ANGPT1: variants seen among roughly 807,000 people sequenced by gnomAD.
ANGPT1 encodes the protein angiopoietin-1.
Under a neutral mutation model 62.2 loss-of-function variants are expected in ANGPT1, and 17 were observed. The ratio of observed to expected loss-of-function variants is 0.27; its 90% CI spans 0.19 to 0.41. ANGPT1 has a LOEUF of 0.41. ANGPT1 is among the 10% of genes least tolerant of loss of function. The probability of loss-of-function intolerance (pLI) is 1.00; values close to 1 mark genes in which losing one functional copy is unlikely to be tolerated. For synonymous variants in ANGPT1, 199 were observed against 198.9 expected (o/e 1.00, Z 0.00); for missense variants, 478 against 594.9 (o/e 0.80, Z 2.04).
chr8:107,259,077 A>G (rs1563537967), intron 8 of ANGPT1, among the ~76,000 whole-genome samples: 1 of 152,178 alleles, frequency 6.6e-6, no homozygotes, highest in African/African-American at 2.4e-5. Flanking sequence ...CTTACGTTTT[A>G]TGTACTAAAT....
At position 107,466,688 on chromosome 8, in the gene ANGPT1, G is replaced by T. The variant is rs1812206322; in HGVS notation, c.297+30574C>A. On this transcript the variant is annotated intron_variant, in intron 1 of 8. Transcript: ENST00000517746. ...GCACTTTGGGAGAAAGAGGCCGGTG[G>T]ATCACCTGAGGTCAGGAGTTTGAGA... Among the ~76,000 whole-genome samples, 9 of 152,176 alleles carry T rather than the reference G, an allele frequency of 5.9e-5. No homozygotes were observed. The South Asian group carries it at 1.9e-3, about 32-fold the overall frequency.
rs555804546 is a variant in ANGPT1, at chr8:107,478,389, A to T, written c.297+18873T>A. Among the ~76,000 whole-genome samples, 31 of 152,098 alleles carry T rather than the reference A, an allele frequency of 2.0e-4. No homozygotes were observed. In the South Asian group the frequency reaches 6.0e-3, roughly 30 times the overall value. On this transcript the variant is annotated intron_variant, in intron 1 of 8. Transcript: ENST00000517746. ...CATGGGAAAACCCCACTCTACTAAA[A>T]ATACAAAAAGTAGCTGGGTGTGGTG...
chr8:107,457,851 CACACACACACACACA>C (rs1811960943), intron 1 of ANGPT1, among the ~76,000 whole-genome samples: 1 of 150,394 alleles, frequency 6.6e-6, no homozygotes, highest in Admixed American at 6.6e-5. Context: ...CACACACACA[CACACACACACACACA>C]CCAAGAGGGG....
chr8:107,432,294 T>G (rs1463845560), intron 1 of ANGPT1, among the ~76,000 whole-genome samples: 2 of 152,196 alleles, frequency 1.3e-5, no homozygotes, highest in African/African-American at 4.8e-5. Context: ...AAGAGTCAGG[T>G]AAGACAATAG....
intron 1 of ANGPT1, among the ~76,000 whole-genome samples, chr8:107,391,080 A>G (rs1816826043): frequency 6.6e-6 from 1 of 152,202 alleles, no homozygotes; most frequent in African/African-American, 2.4e-5. Context: ...GTACTATTGC[A>G]ATGAAAAAAG....
At chr8:107,374,486 G>A (rs1336219817) in intron 1 of ANGPT1, among the ~76,000 whole-genome samples, 2 of 152,186 alleles carry the variant, frequency 1.3e-5, no homozygotes, top group Non-Finnish European at 2.9e-5. Context: ...GCCCAAGGCA[G>A]CCAGCCAAGG....
chr8:107,487,414 A>G (rs1812842512), intron 1 of ANGPT1, among the ~76,000 whole-genome samples: 1 of 152,122 alleles, frequency 6.6e-6, no homozygotes, highest in South Asian at 2.1e-4. Context: ...AAAGCAAACC[A>G]TTTGGAAGCC....
At chr8:107,467,207 C>T (rs112572172) in intron 1 of ANGPT1, among the ~76,000 whole-genome samples, 4,257 of 151,880 alleles carry the variant, frequency 0.028, 61 homozygotes, top group Middle Eastern at 0.068. Flanking sequence ...TTACCTTTAT[C>T]GATCATTACA....
chr8:107,450,139 C>G (rs1388662960), intron 1 of ANGPT1, among the ~76,000 whole-genome samples: 1 of 151,998 alleles, frequency 6.6e-6, no homozygotes, highest in Non-Finnish European at 1.5e-5. Flanking sequence ...GACCTGAGAA[C>G]TAAAAATGAC....
intron 1 of ANGPT1, among the ~76,000 whole-genome samples, chr8:107,482,459 A>G (rs1043667666): frequency 1.3e-5 from 2 of 152,194 alleles, no homozygotes; most frequent in Non-Finnish European, 2.9e-5. Context: ...TGCCTTCTCC[A>G]TGTGGCTTGA....
intron 1 of ANGPT1, among the ~76,000 whole-genome samples, chr8:107,429,503 T>G (rs1197888201): frequency 6.6e-6 from 1 of 152,170 alleles, no homozygotes; most frequent in Non-Finnish European, 1.5e-5. Flanking sequence ...CCCAAGGAGC[T>G]TGCTTTCTGA....
At chr8:107,326,774 AG>A (rs1167097211) in intron 3 of ANGPT1, among the ~76,000 whole-genome samples, 2 of 152,194 alleles carry the variant, frequency 1.3e-5, no homozygotes, top group Non-Finnish European at 2.9e-5. Context: ...TAGAATGAGC[AG>A]ATGTTACAGA....
At chr8:107,478,589 T>C (rs1316073660) in intron 1 of ANGPT1, among the ~76,000 whole-genome samples, 6 of 152,072 alleles carry the variant, frequency 3.9e-5, no homozygotes, top group Non-Finnish European at 8.8e-5. Context: ...ATTATAAAAG[T>C]GTCAATGCTT....
intron 1 of ANGPT1, among the ~76,000 whole-genome samples, chr8:107,384,940 C>T (rs1376347827): frequency 6.6e-6 from 1 of 151,970 alleles, no homozygotes; most frequent in African/African-American, 2.4e-5. Context: ...AGGTGTGTGG[C>T]TTAATTTCTG....
chr8:107,270,072 C>T (rs547710938), intron 7 of ANGPT1, among the ~76,000 whole-genome samples: 1 of 152,048 alleles, frequency 6.6e-6, no homozygotes, highest in East Asian at 1.9e-4. Context: ...TCAAAATATT[C>T]CTATATATCA....
chr8:107,309,251 A>G (rs1814792586), intron 4 of ANGPT1, among the ~76,000 whole-genome samples: 1 of 152,218 alleles, frequency 6.6e-6, no homozygotes, highest in Non-Finnish European at 1.5e-5. Context: ...CATGTGGATC[A>G]GGTTATTTGT....
At chr8:107,310,466 T>C (rs1814822421) in intron 4 of ANGPT1, among the ~76,000 whole-genome samples, 1 of 152,150 alleles carries the variant, frequency 6.6e-6, no homozygotes, top group Non-Finnish European at 1.5e-5. Context: ...TACTTATCTC[T>C]GCTGACAAGA....
chr8:107,278,196 C>G (rs1341868865), intron 7 of ANGPT1, among the ~76,000 whole-genome samples: 1 of 151,944 alleles, frequency 6.6e-6, no homozygotes, highest in Non-Finnish European at 1.5e-5. Flanking sequence ...CTGCCTCAGC[C>G]TCCTAAGTAG....
chr8:107,452,476 ATTTC>A (rs1378019154), intron 1 of ANGPT1, among the ~76,000 whole-genome samples: 1 of 151,068 alleles, frequency 6.6e-6, no homozygotes. Flanking sequence ...CCCCACTTTT[ATTTC>A]TTTATTTTTA....
Sources: gnomAD v4.1 joint callset for allele counts (sites outside exome capture counted in the v4.1 genomes callset) on GRCh38, gnomAD v4.1.1 for gene constraint, MANE v1.5 for transcripts, NCBI Gene and HGNC (gene_info 2026-07-23, HGNC 2026-07-21) for gene names.